The following DAAM2 variants were observed in gnomAD, a reference collection of about 807,000 sequenced individuals.
DAAM2 encodes dishevelled associated activator of morphogenesis 2.
In DAAM2, 39 loss-of-function variants were observed where a neutral mutation model predicts 120.7. The observed-to-expected ratio is 0.32, with a 90% CI of 0.25 to 0.42. The LOEUF (loss-of-function observed/expected upper bound fraction) is 0.42. Ranked by LOEUF, DAAM2 falls within the 10% of genes least tolerant of loss-of-function variation. The pLI is 1.00. For missense variants in DAAM2, 1,283 were observed against 1,401.7 expected (o/e 0.92, Z 1.35); for synonymous variants, 488 against 524.9 (o/e 0.93, Z 0.96).
At chr6:39,875,609 C>A in intron 11 of DAAM2, 141 bp downstream of exon 11, 1 of 1,042,764 alleles carries the variant, frequency 9.6e-7, no homozygotes, top group Non-Finnish European at 1.4e-6. Context: ...TCCAACAGAA[C>A]TCTCTAAGCT....
At chr6:39,796,636 A>C (rs1192426698) in intron 1 of DAAM2, among the ~76,000 whole-genome samples, 1 of 53,984 alleles carries the variant, frequency 1.9e-5, no homozygotes, top group Non-Finnish European at 5.3e-5. Context: ...AAAAAAAAAA[A>C]AAAAACCTGT....
chr6:39,811,096 G>A (rs1257458528), intron 1 of DAAM2, among the ~76,000 whole-genome samples: 2 of 151,944 alleles, frequency 1.3e-5, no homozygotes, highest in Admixed American at 1.3e-4. Flanking sequence ...TTAGCACAAG[G>A]GGTCCAGCAT....
chr6:39,874,907 T>G lies in DAAM2; in HGVS notation c.1163-423T>G, dbSNP rs542806208. On this transcript the variant is annotated intron_variant, in intron 10 of 24. Coordinates refer to ENST00000274867, the MANE Select transcript of DAAM2 (RefSeq NM_001201427.2). The stretch of plus-strand genomic sequence containing the variant: ...TTCATCTTTCTCTGTAGAGTAATAA[T>G]GTGGATAATCCTAAAATCTTTTTTA... Among the ~76,000 whole-genome samples the G allele has an allele frequency of 3.3e-5, 5 of 152,300 alleles. No homozygotes were observed. In the East Asian group the frequency reaches 9.7e-4, roughly 29 times the overall value.
At chr6:39,827,009 A>T (rs1432468077) in intron 1 of DAAM2, among the ~76,000 whole-genome samples, 2 of 152,210 alleles carry the variant, frequency 1.3e-5, no homozygotes, top group Non-Finnish European at 2.9e-5. Flanking sequence ...TTTAGGGGAA[A>T]TATTCATGAA....
At chr6:39,816,344 C>G (rs1006781464) in intron 1 of DAAM2, among the ~76,000 whole-genome samples, 17 of 152,232 alleles carry the variant, frequency 1.1e-4, no homozygotes, top group African/African-American at 4.1e-4. Flanking sequence ...TTCACACCCT[C>G]ATAACTAGGG....
intron 1 of DAAM2, among the ~76,000 whole-genome samples, chr6:39,816,872 G>A (rs918278806): frequency 3.9e-5 from 6 of 152,178 alleles, no homozygotes; most frequent in East Asian, 3.8e-4. Context: ...CCCGTGTGGC[G>A]GGAAACCTCA....
chr6:39,850,491 C>T (rs1763768311), intron 1 of DAAM2, among the ~76,000 whole-genome samples: 1 of 152,184 alleles, frequency 6.6e-6, no homozygotes, highest in South Asian at 2.1e-4. Context: ...GGAAAGGGAT[C>T]ACACCTTGTT....
intron 14 of DAAM2, among the ~76,000 whole-genome samples, chr6:39,882,518 T>G (rs1765167339): frequency 6.6e-6 from 1 of 152,048 alleles, no homozygotes; most frequent in Non-Finnish European, 1.5e-5. Context: ...TACCTCCACG[T>G]TGGTCCTAGC....
chr6:39,899,075 AACTGGATT>A lies in DAAM2; in HGVS notation c.2679+144_2679+151del, dbSNP rs1157422341. 4 of 683,294 alleles carry A rather than the reference AACTGGATT, an allele frequency of 5.9e-6. No homozygotes were observed. The South Asian group carries it at 7.3e-5, about 12-fold the overall frequency. 42.3% of individuals were successfully genotyped at this position (683,294 alleles called of 1,614,324 possible). On this transcript the variant is annotated intron_variant, in intron 22 of 24. Coordinates refer to ENST00000274867, the MANE Select transcript of DAAM2 (RefSeq NM_001201427.2). Reference sequence around the variant, plus strand: ...CACAGGGTCAGCCCTCCCAAAGGATAACTGGATTACTGGGGCTTAAGTTTGAGCCTTTT... The same window carrying A: ...CACAGGGTCAGCCCTCCCAAAGGATAACTGGGGCTTAAGTTTGAGCCTTTT...
At position 39,837,492 on chromosome 6, in the gene DAAM2, G is replaced by A. The variant is rs144068234; in HGVS notation, c.-56-18755G>A. Among the ~76,000 whole-genome samples the A allele has an allele frequency of 6.9e-3, 1,042 of 151,592 alleles. 11 individuals are homozygous for A. Among genetic ancestry groups the A allele is most frequent in the African/African-American group, 0.023 (963 of 41,278 alleles). On this transcript the variant is annotated intron_variant, in intron 1 of 24. Coordinates refer to ENST00000274867, the MANE Select transcript of DAAM2 (RefSeq NM_001201427.2). ...GTGCTGACCAATATGATGAAACCCCGTCTCTACTAAAAATACAAAAATTAG... is the reference window on the plus strand; with the variant it reads ...GTGCTGACCAATATGATGAAACCCCATCTCTACTAAAAATACAAAAATTAG...
chr6:39,815,039 A>G (rs1362332422), intron 1 of DAAM2, among the ~76,000 whole-genome samples: 3 of 152,224 alleles, frequency 2.0e-5, no homozygotes, highest in African/African-American at 7.2e-5. Context: ...AAATTGTGGG[A>G]CCTTAGACCA....
At chr6:39,869,002 G>A (rs551139229) in intron 7 of DAAM2, 69 bp downstream of exon 7, 83 of 1,143,906 alleles carry the variant, frequency 7.3e-5, no homozygotes, top group Middle Eastern at 5.8e-4. Flanking sequence ...GTGTGAGTGT[G>A]TTGCTTCCCC....
intron 1 of DAAM2, among the ~76,000 whole-genome samples, chr6:39,810,016 T>A (rs1179701587): frequency 2.6e-5 from 4 of 152,164 alleles, no homozygotes; most frequent in Admixed American, 6.5e-5. Flanking sequence ...TGTGGCTGCA[T>A]CACCTCCATC....
chr6:39,808,147 A>C (rs1258534172), intron 1 of DAAM2, among the ~76,000 whole-genome samples: 1 of 150,600 alleles, frequency 6.6e-6, no homozygotes, highest in Non-Finnish European at 1.5e-5. Flanking sequence ...GATGCCAAAT[A>C]GGGTCGTAGT....
chr6:39,852,587 G>A lies in DAAM2; in HGVS notation c.-56-3660G>A, dbSNP rs78270621. ...CTGGCGATGATGGGAATGGAGGCCC[G>A]CTGCAGGGTGGCGCTTCCTCTAGTG... is the stretch of plus-strand genomic sequence containing the variant. On this transcript the variant is annotated intron_variant, in intron 1 of 24. Coordinates refer to ENST00000274867, the MANE Select transcript of DAAM2 (RefSeq NM_001201427.2). Among the ~76,000 whole-genome samples, 215 of 152,316 alleles carry A rather than the reference G, an allele frequency of 1.4e-3. 3 individuals are homozygous for A. In the East Asian group the frequency reaches 0.039, roughly 28 times the overall value.
chr6:39,801,818 T>C (rs1467699), intron 1 of DAAM2, among the ~76,000 whole-genome samples: 132,354 of 152,212 alleles, frequency 0.87, 59,273 homozygotes, highest in Non-Finnish European at 0.99. Context: ...GGGTCAGTGT[T>C]AACACTCCCT....
chr6:39,864,993 ACG>A lies in DAAM2; in HGVS notation c.350_351del (p.Ala117ValfsTer2). On this transcript the variant is annotated frameshift_variant, in exon 5 of 25. Transcript: ENST00000274867. LOFTEE classifies it high-confidence loss of function. ...GCTGGCCCTCAGATGCAGAGTCTGT[ACG>A]CGTTTGATGAGGAGGAGACGGAGAT... 6.2e-7 allele frequency: 1 copy of A among 1,604,644 alleles called. No homozygotes were observed. The highest frequency in any genetic ancestry group is 8.5e-7 in the Non-Finnish European group (1 of 1,175,936).
intron 19 of DAAM2, 82 bp from the exon 20 acceptor site, chr6:39,896,730 C>T (rs1428844918): frequency 4.1e-5 from 52 of 1,257,534 alleles, no homozygotes; most frequent in South Asian, 5.3e-5. Context: ...CTGAACTTTG[C>T]GGTGGCATCT....
chr6:39,831,990 G>T (rs1762928367), intron 1 of DAAM2, among the ~76,000 whole-genome samples: 1 of 139,052 alleles, frequency 7.2e-6, no homozygotes, highest in Admixed American at 7.1e-5. Flanking sequence ...CTGGGGGGTA[G>T]GTGCACTGGG....
Sources: allele counts gnomAD v4.1 joint callset (sites outside exome capture counted in the v4.1 genomes callset), GRCh38; gene constraint gnomAD v4.1.1; transcripts MANE v1.5; gene names NCBI Gene and HGNC (gene_info 2026-07-23, HGNC 2026-07-21).